PASD1: variants seen among roughly 807,000 people sequenced by gnomAD.
PASD1 encodes the protein circadian clock protein PASD1.
In PASD1, 13 loss-of-function variants were observed where a neutral mutation model predicts 58.8. The observed-to-expected ratio is 0.22, with a 90% confidence interval of 0.14 to 0.35. The LOEUF (loss-of-function observed/expected upper bound fraction) is 0.35. Ranked by LOEUF, PASD1 falls within the 10% of genes least tolerant of loss-of-function variation. The pLI is 1.00. For synonymous variants in PASD1, 236 were observed against 216.7 expected (o/e 1.09, Z -0.78); for missense variants, 734 against 568.3 (o/e 1.29, Z -2.96).
intron 3 of PASD1, among the ~76,000 whole-genome samples, chrX:151,605,978 T>G (rs2013483849): frequency 8.9e-6 from 1 of 112,231 alleles, no homozygotes; most frequent in Non-Finnish European, 1.9e-5. Context: ...TGAAATCCTG[T>G]TACCAATTTT....
At chrX:151,623,814 G>A (rs1485296339) in intron 7 of PASD1, among the ~76,000 whole-genome samples, 6 of 111,678 alleles carry the variant, frequency 5.4e-5, no homozygotes, top group Non-Finnish European at 9.4e-5. Context: ...AACGCAGGTA[G>A]ATGGTTCAAC....
At chrX:151,598,252 G>A (rs1386717795) in intron 1 of PASD1, among the ~76,000 whole-genome samples, 1 of 111,536 alleles carries the variant, frequency 9.0e-6, no homozygotes, top group Non-Finnish European at 1.9e-5. Flanking sequence ...ATCAGGTTTT[G>A]TATTGTCTTT....
intron 7 of PASD1, among the ~76,000 whole-genome samples, chrX:151,624,979 A>G (rs748317879): frequency 1.8e-5 from 2 of 111,830 alleles, no homozygotes; most frequent in South Asian, 3.8e-4. Flanking sequence ...CCCAGTAACT[A>G]CTTCCTTTTC....
At chrX:151,625,135 T>C (rs1340526685) in intron 7 of PASD1, among the ~76,000 whole-genome samples, 1 of 112,121 alleles carries the variant, frequency 8.9e-6, no homozygotes, top group Non-Finnish European at 1.9e-5. Flanking sequence ...AAAAAAATCT[T>C]GTGCAAACAG....
At chrX:151,603,535 G>T (rs1291380902) in intron 2 of PASD1, among the ~76,000 whole-genome samples, 1 of 111,870 alleles carries the variant, frequency 8.9e-6, no homozygotes, top group African/African-American at 3.3e-5. Context: ...AGGCAATGGA[G>T]AAATTTCTTC....
At chrX:151,675,972 A>G (rs2014538055) in intron 15 of PASD1, 25 bp from the exon 16 acceptor site, 3 of 1,205,982 alleles carry the variant, frequency 2.5e-6, no homozygotes, top group Non-Finnish European at 3.4e-6. Context: ...CAAACATTCC[A>G]CCTTGTTTCA....
At chrX:151,659,104 C>T (rs1248152837) in intron 9 of PASD1, among the ~76,000 whole-genome samples, 1 of 112,143 alleles carries the variant, frequency 8.9e-6, no homozygotes, top group East Asian at 2.8e-4. Flanking sequence ...CTCTTAGAGG[C>T]CTTTTCACCT....
Position 151,567,089 on chromosome X carries a change from T to TAAATAAATAAATA in PASD1, c.-28+3257_-28+3258insTAAATAAAATAAA, listed in dbSNP as rs1353948494. Among the ~76,000 whole-genome samples the TAAATAAATAAATA allele has an allele frequency of 7.0e-5, 7 of 100,233 alleles. No homozygotes were observed. The East Asian group carries it at 1.5e-3, about 21-fold the overall frequency. The allele number at this position is 100,233 out of a possible 115,157, so 87.0% of individuals were successfully genotyped here. On this transcript the variant is annotated intron_variant, in intron 1 of 15. Transcript: ENST00000370357. ...ATAAATAAATAAATAAATAAATAAA[T>TAAATAAATAAATA]AAATAAAATAAAATAAAGTTTCAGA...
At chrX:151,652,622 G>T (rs2014146258) in intron 9 of PASD1, among the ~76,000 whole-genome samples, 1 of 110,529 alleles carries the variant, frequency 9.0e-6, no homozygotes, top group African/African-American at 3.3e-5. Context: ...TGAAAAGATA[G>T]AACAGGATGA....
Position 151,594,663 on chromosome X carries a change from A to G in PASD1, c.-27-6864A>G, listed in dbSNP as rs138601635. Reference sequence around the variant, plus strand: ...TTTAGAATATTTTGCTTTTACATCAATTATCTTTTATAGAAATAAATTAAA... The same window carrying G: ...TTTAGAATATTTTGCTTTTACATCAGTTATCTTTTATAGAAATAAATTAAA... On this transcript the variant is annotated intron_variant, in intron 1 of 15. Transcript: ENST00000370357. Among the ~76,000 whole-genome samples the G allele has an allele frequency of 5.9e-3, 667 of 112,158 alleles. 5 individuals carry two copies. The highest frequency in any genetic ancestry group is 0.021 in the African/African-American group (638 of 30,893).
At chrX:151,585,945 A>C (rs945571124) in intron 1 of PASD1, among the ~76,000 whole-genome samples, 2 of 111,659 alleles carry the variant, frequency 1.8e-5, no homozygotes, top group Non-Finnish European at 3.8e-5. Context: ...ACAAACATTT[A>C]ATTACCTGCC....
At chrX:151,600,799 C>T (rs946756143) in intron 1 of PASD1, among the ~76,000 whole-genome samples, 2 of 111,862 alleles carry the variant, frequency 1.8e-5, no homozygotes, top group African/African-American at 6.5e-5. Flanking sequence ...ACACCAAGCA[C>T]GGGTTCATAT....
At chrX:151,568,280 G>A (rs2012876874) in intron 1 of PASD1, among the ~76,000 whole-genome samples, 1 of 111,878 alleles carries the variant, frequency 8.9e-6, no homozygotes, top group Non-Finnish European at 1.9e-5. Context: ...AGGGTAGGAT[G>A]TTTTGGACGT....
At position 151,602,703 on chromosome X, in the gene PASD1, TAATA is replaced by T. The variant is rs1259885436; in HGVS notation, c.28+1124_28+1127del. Among the ~76,000 whole-genome samples, 449 of 82,407 alleles carry T rather than the reference TAATA, an allele frequency of 5.4e-3. 3 individuals are homozygous for T. Among genetic ancestry groups the T allele is most frequent in the African/African-American group, 0.019 (420 of 21,863 alleles). The allele number at this position is 82,407 out of a possible 115,157, so 71.6% of individuals were successfully genotyped here. A position where few individuals can be genotyped will look rare whatever the true frequency, so the allele number is the denominator to read the frequency against. On this transcript the variant is annotated intron_variant, in intron 2 of 15. Coordinates refer to ENST00000370357, the MANE Select transcript of PASD1 (RefSeq NM_173493.3). ...AGAGCAAGACTCCATCTCAAAATAATAATAATAATAAGAAGAAGAAGAAGAAGAA... is the reference window on the plus strand; with the variant it reads ...AGAGCAAGACTCCATCTCAAAATAATATAATAAGAAGAAGAAGAAGAAGAA...
chrX:151,634,494 C>CT (rs905880854), intron 8 of PASD1, among the ~76,000 whole-genome samples: 7 of 109,091 alleles, frequency 6.4e-5, no homozygotes, highest in South Asian at 3.9e-4. Context: ...TCTTTTGTAG[C>CT]TTTTTTTTTG....
intron 8 of PASD1, among the ~76,000 whole-genome samples, chrX:151,631,657 C>A (rs2013868508): frequency 9.0e-6 from 1 of 111,272 alleles, no homozygotes; most frequent in African/African-American, 3.3e-5. Flanking sequence ...GAATTGGTCC[C>A]TGGGGAGACT....
At chrX:151,565,313 G>A (rs977191626) in intron 1 of PASD1, among the ~76,000 whole-genome samples, 1 of 112,064 alleles carries the variant, frequency 8.9e-6, no homozygotes, top group Non-Finnish European at 1.9e-5. Context: ...GACTTTGAAA[G>A]TATTCAGGCC....
chrX:151,641,480 T>G (rs1331931822), intron 8 of PASD1, among the ~76,000 whole-genome samples: 1 of 111,901 alleles, frequency 8.9e-6, no homozygotes, highest in Non-Finnish European at 1.9e-5. Context: ...CTAATCTATA[T>G]GGTGTAGGTT....
intron 1 of PASD1, among the ~76,000 whole-genome samples, chrX:151,585,771 G>T (rs1293694708): frequency 1.8e-5 from 2 of 111,651 alleles, no homozygotes; most frequent in African/African-American, 3.3e-5. Flanking sequence ...GTATAACTGG[G>T]ATTTTCTCTG....
Sources: gnomAD v4.1 joint callset for allele counts (sites outside exome capture counted in the v4.1 genomes callset) on GRCh38, gnomAD v4.1.1 for gene constraint, MANE v1.5 for transcripts, NCBI Gene and HGNC (gene_info 2026-07-23, HGNC 2026-07-21) for gene names.